TENM2: variants seen among roughly 807,000 people sequenced by gnomAD.
The protein encoded by TENM2 is teneurin transmembrane protein 2.
A neutral mutation model predicts 245.2 loss-of-function variants in TENM2; 52 were observed. That is an observed-to-expected ratio of 0.21 (90% confidence interval 0.17 to 0.27). TENM2 has a LOEUF of 0.27. Ranked by LOEUF, TENM2 falls within the 10% of genes least tolerant of loss-of-function variation. The pLI, the probability that TENM2 is intolerant of heterozygous loss-of-function variation, is 1.00. For synonymous variants in TENM2, 1,363 were observed against 1,438.9 expected (o/e 0.95, Z 1.19); for missense variants, 3,046 against 3,666.8 (o/e 0.83, Z 4.37).
At chr5:167,332,875 C>T (rs1443697214) in intron 1 of TENM2, among the ~76,000 whole-genome samples, 1 of 152,012 alleles carries the variant, frequency 6.6e-6, no homozygotes, top group African/African-American at 2.4e-5. Context: ...ATCAAGGAAG[C>T]CAGGAAGAGA....
chr5:167,390,581 G>A lies in TENM2; in HGVS notation c.502+15108G>A, dbSNP rs1029239817. Among the ~76,000 whole-genome samples, 3 of 152,040 alleles carry A rather than the reference G, an allele frequency of 2.0e-5. No homozygotes were observed. In the East Asian group the frequency reaches 5.8e-4, roughly 29 times the overall value. On this transcript the variant is annotated intron_variant, in intron 2 of 28. Transcript: ENST00000518659. ...TTCTGCAGGCAAGATAAATATCTCA[G>A]TACATAAGAAAAGACTCTGAAAATA...
At chr5:167,424,577 T>A (rs566908512) in intron 2 of TENM2, among the ~76,000 whole-genome samples, 1 of 152,220 alleles carries the variant, frequency 6.6e-6, no homozygotes, top group Non-Finnish European at 1.5e-5. Flanking sequence ...TCTATCCAGA[T>A]AGTTATTATG....
intron 2 of TENM2, among the ~76,000 whole-genome samples, chr5:167,540,087 A>G (rs1467638207): frequency 6.6e-6 from 1 of 152,138 alleles, no homozygotes; most frequent in Non-Finnish European, 1.5e-5. Flanking sequence ...TTCTTCGAAA[A>G]ATATTTAAAT....
chr5:167,857,901 C>T (rs765030770), intron 2 of TENM2, among the ~76,000 whole-genome samples: 1 of 152,188 alleles, frequency 6.6e-6, no homozygotes, highest in South Asian at 2.1e-4. Flanking sequence ...ACTCAGGTCA[C>T]TAACTTACTG....
chr5:167,594,538 G>T (rs754187651), intron 2 of TENM2, among the ~76,000 whole-genome samples: 4 of 152,094 alleles, frequency 2.6e-5, no homozygotes, highest in Non-Finnish European at 5.9e-5. Flanking sequence ...CTGTCCTTCT[G>T]TACAGATATG....
chr5:167,416,040 A>G (rs1763152218), intron 2 of TENM2, among the ~76,000 whole-genome samples: 1 of 152,196 alleles, frequency 6.6e-6, no homozygotes, highest in Admixed American at 6.6e-5. Flanking sequence ...TGGAGAGCCA[A>G]GGACTTTTCA....
intron 14 of TENM2, among the ~76,000 whole-genome samples, chr5:168,191,918 T>A (rs1760999038): frequency 6.6e-6 from 1 of 152,092 alleles, no homozygotes; most frequent in Non-Finnish European, 1.5e-5. Context: ...TTCCTGCAGC[T>A]CTTTTGAATA....
chr5:167,619,590 G>A (rs1347435511), intron 2 of TENM2, among the ~76,000 whole-genome samples: 1 of 152,130 alleles, frequency 6.6e-6, no homozygotes, highest in Non-Finnish European at 1.5e-5. Flanking sequence ...TCTGTAAAAT[G>A]GGGACCTGAG....
intron 3 of TENM2, among the ~76,000 whole-genome samples, chr5:167,911,726 TA>T (rs1561925697): frequency 1.3e-5 from 2 of 152,118 alleles, no homozygotes. Flanking sequence ...AGCGAATATT[TA>T]TTGGTGTTAG....
chr5:167,459,127 C>A (rs2127489086), intron 2 of TENM2, among the ~76,000 whole-genome samples: 1 of 152,262 alleles, frequency 6.6e-6, no homozygotes, highest in Non-Finnish European at 1.5e-5. Flanking sequence ...AGCCCTTCAC[C>A]CATCGAACAA....
chr5:167,522,578 T>C (rs893424725), intron 2 of TENM2, among the ~76,000 whole-genome samples: 5 of 152,080 alleles, frequency 3.3e-5, no homozygotes, highest in African/African-American at 1.2e-4. Flanking sequence ...TTATTTTATA[T>C]CTGATGGGAA....
chr5:167,889,403 A>G (rs895367793), intron 3 of TENM2, among the ~76,000 whole-genome samples: 6 of 152,126 alleles, frequency 3.9e-5, no homozygotes, highest in Non-Finnish European at 8.8e-5. Context: ...CTTGACTAGG[A>G]TCGCATTTCA....
the TENM2 span, among the ~76,000 whole-genome samples, chr5:167,022,768 C>T: frequency 6.6e-6 from 1 of 152,154 alleles, no homozygotes; most frequent in Non-Finnish European, 1.5e-5. Context: ...AGCCCCTTCC[C>T]CTAGTCATTG....
At chr5:167,047,281 A>G in the TENM2 span, among the ~76,000 whole-genome samples, 1 of 152,162 alleles carries the variant, frequency 6.6e-6, no homozygotes, top group South Asian at 2.1e-4. Flanking sequence ...CAGCTTTTCT[A>G]CACTGCTTGG....
At chr5:167,369,056 T>C (rs983594525) in intron 1 of TENM2, among the ~76,000 whole-genome samples, 7 of 152,152 alleles carry the variant, frequency 4.6e-5, no homozygotes, top group African/African-American at 1.7e-4. Context: ...GGCTCCTTGC[T>C]ACAGCAGGCT....
intron 12 of TENM2, among the ~76,000 whole-genome samples, chr5:168,152,645 C>T (rs903412996): frequency 7.2e-5 from 11 of 152,174 alleles, no homozygotes; most frequent in African/African-American, 2.7e-4. Context: ...GAATAAGCTG[C>T]ACAAGGTACA....
chr5:167,338,378 G>C (rs909188766), intron 1 of TENM2, among the ~76,000 whole-genome samples: 1 of 152,068 alleles, frequency 6.6e-6, no homozygotes, highest in African/African-American at 2.4e-5. Context: ...TGTCCATTAC[G>C]GGTTAACTAG....
intron 2 of TENM2, among the ~76,000 whole-genome samples, chr5:167,633,138 A>T (rs1260967155): frequency 6.6e-6 from 1 of 152,178 alleles, no homozygotes; most frequent in Admixed American, 6.5e-5. Flanking sequence ...GCAGTGGCTT[A>T]AGTTAGAAGA....
chr5:168,195,039 G>A (rs1761289337), intron 14 of TENM2, 137 bp from the exon 17 acceptor site: 7 of 1,029,122 alleles, frequency 6.8e-6, no homozygotes, highest in Non-Finnish European at 9.9e-6. Context: ...TAGCGTGATT[G>A]TGCAAAGCCA....
Sources: allele counts gnomAD v4.1 joint callset (sites outside exome capture counted in the v4.1 genomes callset), GRCh38; gene constraint gnomAD v4.1.1; transcripts MANE v1.5; gene names NCBI Gene and HGNC (gene_info 2026-07-23, HGNC 2026-07-21).